Variants in SAMD12 observed in about 807,000 individuals in gnomAD.
SAMD12 encodes sterile alpha motif domain containing 12.
SAMD12 carries 9 observed loss-of-function variants against 15.0 expected under a neutral mutation model. The ratio of observed to expected loss-of-function variants is 0.60; its 90% CI spans 0.36 to 1.05. The LOEUF is 1.05. Among genes scored for constraint, SAMD12 ranks in the 50% least tolerant of loss-of-function variants. The pLI is 0.01. For missense variants in SAMD12, 230 were observed against 234.2 expected (o/e 0.98, Z 0.12); for synonymous variants, 86 against 90.1 (o/e 0.96, Z 0.25).
intron 1 of SAMD12, among the ~76,000 whole-genome samples, chr8:118,614,948 G>A (rs1828205071): frequency 6.6e-6 from 1 of 152,212 alleles, no homozygotes; most frequent in African/African-American, 2.4e-5. Context: ...TTACAAGAGA[G>A]CAGCTTTCCA....
chr8:118,494,972 C>T (rs1824565261), intron 2 of SAMD12, among the ~76,000 whole-genome samples: 1 of 152,144 alleles, frequency 6.6e-6, no homozygotes, highest in Non-Finnish European at 1.5e-5. Flanking sequence ...ATAAACTTCC[C>T]TAAGCTCACC....
chr8:118,361,616 A>G (rs1818501971), intron 4 of SAMD12, among the ~76,000 whole-genome samples: 2 of 152,184 alleles, frequency 1.3e-5, no homozygotes, highest in Non-Finnish European at 2.9e-5. Flanking sequence ...ACACTTTCTT[A>G]AAGTACTAAG....
intron 1 of SAMD12, among the ~76,000 whole-genome samples, chr8:118,612,421 C>T (rs1234914066): frequency 6.6e-6 from 1 of 152,198 alleles, no homozygotes; most frequent in Non-Finnish European, 1.5e-5. Flanking sequence ...CTGTACTGAA[C>T]TGGTAATCAA....
intron 3 of SAMD12, among the ~76,000 whole-genome samples, chr8:118,405,965 T>A (rs1367861173): frequency 2.0e-5 from 3 of 152,134 alleles, no homozygotes; most frequent in Admixed American, 2.0e-4. Context: ...TTTTTGGTTT[T>A]CTCTCTATGG....
chr8:118,408,255 A>G (rs545311730), intron 3 of SAMD12, among the ~76,000 whole-genome samples: 2 of 151,912 alleles, frequency 1.3e-5, no homozygotes, highest in South Asian at 2.1e-4. Context: ...TGCTTTCTCA[A>G]TCTACACACC....
chr8:118,238,990 C>T (rs1812502569), intron 4 of SAMD12, among the ~76,000 whole-genome samples: 1 of 151,978 alleles, frequency 6.6e-6, no homozygotes, highest in Non-Finnish European at 1.5e-5. Context: ...AAAAAGAAAA[C>T]ACCCAGATTC....
At chr8:118,476,613 A>G (rs565465227) in intron 2 of SAMD12, among the ~76,000 whole-genome samples, 1 of 152,284 alleles carries the variant, frequency 6.6e-6, no homozygotes, top group South Asian at 2.1e-4. Context: ...AAATGACAGA[A>G]ATCACATGGA....
At chr8:118,356,792 A>G (rs769711156) in intron 4 of SAMD12, among the ~76,000 whole-genome samples, 5 of 152,120 alleles carry the variant, frequency 3.3e-5, no homozygotes, top group Non-Finnish European at 5.9e-5. Context: ...TCTCTGCTTC[A>G]TGCTTCTTCT....
At chr8:118,210,027 G>A (rs1819974870) in intron 4 of SAMD12, among the ~76,000 whole-genome samples, 1 of 152,238 alleles carries the variant, frequency 6.6e-6, no homozygotes, top group African/African-American at 2.4e-5. Flanking sequence ...TTGCTGCTAT[G>A]CAGCACTTAA....
At chr8:118,167,135 G>A in the SAMD12 span, among the ~76,000 whole-genome samples, 1,480 of 152,250 alleles carry the variant, frequency 9.7e-3, 24 homozygotes, top group African/African-American at 0.032. Context: ...TTCTTTGCAA[G>A]TGGTGTTTCC....
intron 2 of SAMD12, among the ~76,000 whole-genome samples, chr8:118,529,456 T>C (rs988444543): frequency 2.6e-5 from 4 of 152,210 alleles, no homozygotes; most frequent in South Asian, 2.1e-4. Flanking sequence ...ATATATTGCA[T>C]AGTGGTGAAG....
chr8:118,469,494 T>TTAC, intron 2 of SAMD12, among the ~76,000 whole-genome samples: 1 of 36,320 alleles, frequency 2.8e-5, no homozygotes, highest in East Asian at 6.0e-4. Flanking sequence ...ATATATTATA[T>TTAC]ATATATTTTT....
chr8:118,572,914 G>T (rs1199494642), intron 2 of SAMD12, among the ~76,000 whole-genome samples: 1 of 152,014 alleles, frequency 6.6e-6, no homozygotes, highest in African/African-American at 2.4e-5. Context: ...GAATCATGGG[G>T]GCTGCTTCCC....
In SAMD12 at chr8:118,507,755, A is replaced by G. The variant is rs114878875; in HGVS notation, c.193-67794T>C. ...ACCCAACACAGGTGAAAAACACAGTATTTGAGGGATGTGAAACCTGTGGCT... is the reference window on the plus strand; with the variant it reads ...ACCCAACACAGGTGAAAAACACAGTGTTTGAGGGATGTGAAACCTGTGGCT... On this transcript the variant is annotated intron_variant, in intron 2 of 3. Transcript: ENST00000314727. 3.2e-3 allele frequency among the ~76,000 whole-genome samples: 491 copies of G among 152,254 alleles called. 3 individuals are homozygous for G. Among genetic ancestry groups the G allele is most frequent in the African/African-American group, 0.011 (468 of 41,562 alleles).
intron 4 of SAMD12, among the ~76,000 whole-genome samples, chr8:118,215,638 C>T (rs1460716599): frequency 6.6e-6 from 1 of 151,646 alleles, no homozygotes; most frequent in Non-Finnish European, 1.5e-5. Context: ...CCACAGTCCC[C>T]AGAGTGTGAT....
chr8:118,137,755 A>G, the SAMD12 span, among the ~76,000 whole-genome samples: 3 of 152,284 alleles, frequency 2.0e-5, no homozygotes, highest in African/African-American at 7.2e-5. Flanking sequence ...ACAGCTGATG[A>G]GCTGAAAAGA....
intron 4 of SAMD12, among the ~76,000 whole-genome samples, chr8:118,239,594 C>G (rs975842673): frequency 6.6e-6 from 1 of 152,140 alleles, no homozygotes; most frequent in South Asian, 2.1e-4. Flanking sequence ...CAAAGACTTT[C>G]CATCATACTC....
At position 118,332,418 on chromosome 8, in the gene SAMD12, T is replaced by C. The variant is rs546010770; in HGVS notation, c.433+47142A>G. On this transcript the variant is annotated intron_variant, in intron 4 of 4. Coordinates refer to the SAMD12 transcript ENST00000409003. The stretch of plus-strand genomic sequence containing the variant: ...ACCAGCGTCGCTGCAGTGGCTGAGA[T>C]TGGCATTGGCAGTGATTATTCAACT... Among the ~76,000 whole-genome samples the C allele has an allele frequency of 4.6e-5, 7 of 152,376 alleles. No homozygotes were observed. The South Asian group carries it at 1.0e-3, about 23-fold the overall frequency.
chr8:118,281,308 T>C (rs559714315), intron 4 of SAMD12, among the ~76,000 whole-genome samples: 2 of 152,328 alleles, frequency 1.3e-5, no homozygotes, highest in Non-Finnish European at 2.9e-5. Flanking sequence ...TTTGAAATTG[T>C]AGCAGTGCAT....
Sources: gnomAD v4.1 joint callset for allele counts (sites outside exome capture counted in the v4.1 genomes callset) on GRCh38, gnomAD v4.1.1 for gene constraint, MANE v1.5 for transcripts, NCBI Gene and HGNC (gene_info 2026-07-23, HGNC 2026-07-21) for gene names.